AIFM2: variants seen among roughly 807,000 people sequenced by gnomAD.
AIFM2 encodes the protein AIF family member 2, ferroptosis suppressor.
Under a neutral mutation model 35.7 loss-of-function variants are expected in AIFM2, and 38 were observed. The observed-to-expected ratio is 1.06, with a 90% confidence interval of 0.82 to 1.39. The LOEUF is 1.39. Ranked by LOEUF, AIFM2 falls within the 40% of genes most tolerant of loss-of-function variation. The probability of loss-of-function intolerance (pLI) is 0.00; values close to 1 mark genes in which losing one functional copy is unlikely to be tolerated. For missense variants in AIFM2, 476 were observed against 491.2 expected (o/e 0.97, Z 0.29); for synonymous variants, 185 against 203.5 (o/e 0.91, Z 0.77).
rs2072454972 is a variant in AIFM2 at position 70,117,839 on chromosome 10, G to A, written c.589C>T (p.Leu197Phe). ...SVRQEVKEIL[L>F]RKGVQLLLSE... ...AGCAGCAGCTGCACGCCCTTCCGGAGGAGGATCTCCTTCACTTCCTGCCGG... is the reference window on the plus strand; with the variant it reads ...AGCAGCAGCTGCACGCCCTTCCGGAAGAGGATCTCCTTCACTTCCTGCCGG... The change falls in exon 6 of 9, where the codon CTC becomes TTC. Residue 197 changes from leucine to phenylalanine, a missense_variant. Transcript: ENST00000307864. The surrounding 1 kb of genome is among the most constrained non-coding windows in gnomAD (Gnocchi z 4.7). The A allele has an allele frequency of 1.2e-6, 2 of 1,604,908 alleles. No homozygotes were observed. The highest frequency in any genetic ancestry group is 1.3e-5 in the African/African-American group (1 of 74,302).
At chr10:70,118,504 G>A (rs2072463061) in intron 5 of AIFM2, among the ~76,000 whole-genome samples, 1 of 152,120 alleles carries the variant, frequency 6.6e-6, no homozygotes, top group Non-Finnish European at 1.5e-5. Context: ...ATTTTGTAAT[G>A]ATGAGCAAAA....
chr10:70,131,928 T>G lies in AIFM2; in HGVS notation c.-14+806A>C, dbSNP rs2072631070. Among the ~76,000 whole-genome samples the G allele has an allele frequency of 6.6e-6, 1 of 152,170 alleles. No individual in the cohort carries two copies. Among genetic ancestry groups the G allele is most frequent in the African/African-American group, 2.4e-5 (1 of 41,434 alleles). Reference sequence around the variant, plus strand: ...AACACAGGTGCACAGTCCAGAAACCTGCAAGTCCCATCCCAAACTATATCT... The same window carrying G: ...AACACAGGTGCACAGTCCAGAAACCGGCAAGTCCCATCCCAAACTATATCT... On this transcript the variant is annotated intron_variant, in intron 1 of 8. Coordinates refer to ENST00000307864, the MANE Select transcript of AIFM2 (RefSeq NM_032797.6). The surrounding 1 kb of genome is among the most constrained non-coding windows in gnomAD (Gnocchi z 4.1).
At chr10:70,120,393 T>G in intron 5 of AIFM2, 114 bp downstream of exon 5, 1 of 1,070,900 alleles carries the variant, frequency 9.3e-7, no homozygotes, top group Non-Finnish European at 1.4e-6. Context: ...ACACTCCCAG[T>G]TTATGTGAAT....
In AIFM2 at chr10:70,113,626, G is replaced by A. The variant is rs961023697; in HGVS notation, c.*552C>T. ...CACCTGTTAGCAAATTGAAAACAAG[G>A]CTCCTGTGAAGTCCCTGGTTGTTGC... On this transcript the variant is annotated 3_prime_UTR_variant, in exon 9 of 9. Transcript: ENST00000307864. The A allele has an allele frequency of 6.6e-6, 1 of 152,386 alleles. No homozygotes were observed. The highest frequency in any genetic ancestry group is 6.5e-5 in the Admixed American group (1 of 15,284). 9.4% of individuals were successfully genotyped at this position (152,386 alleles called of 1,614,324 possible).
chr10:70,123,618 G>C (rs948331504), intron 2 of AIFM2, 98 bp from the exon 3 acceptor site: 2 of 1,146,442 alleles, frequency 1.7e-6, no homozygotes, highest in African/African-American at 1.5e-5. Flanking sequence ...AACCAACAGG[G>C]GTGCCCTTGA....
rs751079658 is a variant in AIFM2 at position 70,121,117 on chromosome 10, T to C, written c.389A>G (p.Gln130Arg). 4 of 1,608,044 alleles carry C rather than the reference T, an allele frequency of 2.5e-6. No individual in the cohort carries two copies. The highest frequency in any genetic ancestry group is 1.7e-5 in the Admixed American group (1 of 59,180). Residue 130 changes from glutamine (Q) to arginine (R), a missense_variant, in exon 4 of 9, where the codon CAG (glutamine) becomes CGG (arginine). Coordinates refer to ENST00000307864, the MANE Select transcript of AIFM2 (RefSeq NM_032797.6). ...CTGCCTCACCATGTCCTCATAGGCC[T>C]GGATAGCGGCCTGCTGGCTGGAAAC... The part of the protein sequence containing the change: ...NEVSSQQAAI[Q>R]AYEDMVRQVQ...
chr10:70,114,444 G>A (rs913726368), intron 8 of AIFM2, 115 bp from the exon 9 acceptor site: 56 of 1,340,664 alleles, frequency 4.2e-5, no homozygotes, highest in African/African-American at 2.7e-4. Context: ...ATGTGAAATC[G>A]CTTTAGGAAG....
At position 70,123,516 on chromosome 10, in the gene AIFM2, G is replaced by A. The variant is rs147079691; in HGVS notation, c.183C>T (p.Phe61=). The A allele has an allele frequency of 3.1e-4, 500 of 1,613,708 alleles. No homozygotes were observed. Among genetic ancestry groups the A allele is most frequent in the Non-Finnish European group, 4.0e-4 (475 of 1,179,790 alleles). ...AALRASVETG[F]AKKTFISYSV... ...AGTAAGAAATGAATGTCTTTTTGGC[G>A]AACCCTGGGGAAGGGACACAGAAGA... Residue 61 remains phenylalanine, a synonymous_variant, in exon 3 of 9, where the codon TTC becomes TTT. Transcript: ENST00000307864.
At chr10:70,123,756 C>G (rs2072535566) in intron 2 of AIFM2, 151 bp downstream of exon 2, 1 of 946,838 alleles carries the variant, frequency 1.1e-6, no homozygotes, top group African/African-American at 1.7e-5. Context: ...TACTTAAGAC[C>G]AAAGACCTTG....
intron 1 of AIFM2, among the ~76,000 whole-genome samples, chr10:70,127,204 T>G (rs2072577532): frequency 6.6e-6 from 1 of 152,198 alleles, no homozygotes; most frequent in Non-Finnish European, 1.5e-5. Context: ...GTCTTACCCT[T>G]GGGGCTGTCA....
intron 5 of AIFM2, among the ~76,000 whole-genome samples, chr10:70,120,209 C>T (rs560338645): frequency 1.4e-4 from 21 of 152,362 alleles, no homozygotes; most frequent in African/African-American, 4.3e-4. Context: ...ACAGAAGTTC[C>T]GCTTTTGCAA....
chr10:70,116,570 G>T (rs2072438075), intron 7 of AIFM2, 52 bp downstream of exon 7: 2 of 1,605,998 alleles, frequency 1.2e-6, no homozygotes, highest in South Asian at 1.1e-5. Flanking sequence ...GCATTCAGAG[G>T]GTACTGGAGA....
At chr10:70,124,487 GA>G (rs528606654) in intron 1 of AIFM2, among the ~76,000 whole-genome samples, 53 of 151,916 alleles carry the variant, frequency 3.5e-4, no homozygotes, top group African/African-American at 1.2e-3. Flanking sequence ...GGGGCAGGAG[GA>G]AAAAAAAGAC....
At position 70,116,769 on chromosome 10, in the gene AIFM2, G is replaced by A. The variant is rs1302441367; in HGVS notation, c.622C>T (p.Arg208Trp). 8.1e-6 allele frequency: 13 copies of A among 1,613,998 alleles called. No homozygotes were observed. Among genetic ancestry groups the A allele is most frequent in the Non-Finnish European group, 1.1e-5 (13 of 1,179,948 alleles). ...RKGVQLLLSE[R>W]VSNLEELPLN... ...GGCAGCTCCTCCAGATTGCTCACCC[G>A]CTCACCTAGAAGGGGGTTCATGACC... Residue 208 changes from arginine (R) to tryptophan (W), a missense_variant, in exon 7 of 9, where the codon CGG (arginine) becomes TGG (tryptophan). Coordinates refer to ENST00000307864, the MANE Select transcript of AIFM2 (RefSeq NM_032797.6).
chr10:70,121,796 T>TA (rs1230418938), intron 3 of AIFM2, among the ~76,000 whole-genome samples: 3 of 140,812 alleles, frequency 2.1e-5, no homozygotes, highest in African/African-American at 3.1e-5. Flanking sequence ...AAATTAAAAA[T>TA]AAAAAAAATT....
intron 5 of AIFM2, 62 bp downstream of exon 5, chr10:70,120,445 C>T: frequency 6.5e-7 from 1 of 1,534,920 alleles, no homozygotes; most frequent in Non-Finnish European, 9.0e-7. Context: ...TCCTGATGTT[C>T]CTAAGATAAT....
chr10:70,123,828 AC>A (rs1260761673), intron 2 of AIFM2, 78 bp downstream of exon 2: 5 of 1,402,866 alleles, frequency 3.6e-6, no homozygotes, highest in Non-Finnish European at 3.8e-6. Context: ...GGAGAAAACC[AC>A]CCCCAGCCCT....
chr10:70,129,721 A>C (rs993335263), intron 1 of AIFM2, among the ~76,000 whole-genome samples: 2 of 152,158 alleles, frequency 1.3e-5, no homozygotes, highest in African/African-American at 4.8e-5. Context: ...TCAAACAAGC[A>C]TATGTCATTT....
Position 70,117,891 on chromosome 10 carries a change from C to A in AIFM2, c.537G>T (p.Leu179=), listed in dbSNP as rs777409459. 1.1e-5 allele frequency: 17 copies of A among 1,608,002 alleles called. No individual in the cohort carries two copies. The African/African-American group carries it at 1.6e-4, about 15-fold the overall frequency. ...EVTLIHSQVA[L]ADKELLPSVR... ...CGGAGGGCAGGAGCTCCTTGTCAGC[C>A]AGGGCCACTTGGGAGTGAATGAGAG... Residue 179 remains leucine, a synonymous_variant, in exon 6 of 9, where the codon CTG becomes CTT. Transcript: ENST00000307864. This position sits in a 1 kb window ranked among gnomAD's most constrained non-coding sequence, Gnocchi z 4.7.
Sources: gnomAD v4.1 joint callset for allele counts (sites outside exome capture counted in the v4.1 genomes callset) on GRCh38, gnomAD v4.1.1 for gene constraint, Gnocchi (gnomAD v3.1) non-coding constraint, MANE v1.5 for transcripts, NCBI Gene and HGNC (gene_info 2026-07-23, HGNC 2026-07-21) for gene names.